The following SCFD1 variants were observed in gnomAD, a reference collection of about 807,000 sequenced individuals.
The protein encoded by SCFD1 is sec1 family domain containing 1, also known as sec1 family domain-containing protein 1.
A neutral mutation model predicts 103.2 loss-of-function variants in SCFD1; 37 were observed. That is an observed-to-expected ratio of 0.36 (90% CI 0.28 to 0.47). SCFD1 has a LOEUF of 0.47. Ranked by LOEUF, SCFD1 falls within the 20% of genes least tolerant of loss-of-function variation. The pLI is 1.00. For missense variants in SCFD1, 639 were observed against 761.2 expected, an observed-to-expected ratio of 0.84 and a Z score of 1.89; for synonymous variants, 264 against 245.0, an observed-to-expected ratio of 1.08 and a Z score of -0.73.
chr14:30,625,152 C>G (rs913257025), intron 1 of SCFD1, among the ~76,000 whole-genome samples: 1 of 152,028 alleles, frequency 6.6e-6, no homozygotes, highest in Non-Finnish European at 1.5e-5. Flanking sequence ...ATTTTATTCA[C>G]TGTTTTGTTC....
chr14:30,707,704 C>G (rs1255341816), intron 18 of SCFD1: 2 of 383,126 alleles, frequency 5.2e-6, no homozygotes, highest in Non-Finnish European at 9.9e-6. Flanking sequence ...ATAGCTAAGA[C>G]TAGGAAATTA....
chr14:30,676,308 TAAACAAGA>T, intron 14 of SCFD1: 1 of 152,242 alleles, frequency 6.6e-6, no homozygotes, highest in Non-Finnish European at 1.5e-5. Flanking sequence ...GATACTGTAG[TAAACAAGA>T]CAGACAAGTT....
intron 23 of SCFD1, chr14:30,734,578 A>AT (rs1358834896): frequency 1.3e-5 from 7 of 522,956 alleles, no homozygotes; most frequent in African/African-American, 9.6e-5. Flanking sequence ...CATAGTATAT[A>AT]TTTTGGGGGA....
intron 23 of SCFD1, among the ~76,000 whole-genome samples, chr14:30,730,976 G>C (rs1042275101): frequency 1.3e-5 from 2 of 151,960 alleles, no homozygotes; most frequent in Admixed American, 6.6e-5. Context: ...GGGTTTTTAT[G>C]GTTTTAGGTC....
intron 19 of SCFD1, among the ~76,000 whole-genome samples, chr14:30,713,286 G>A (rs1372761559): frequency 6.6e-6 from 1 of 152,100 alleles, no homozygotes; most frequent in East Asian, 1.9e-4. Context: ...ATTAATGTAT[G>A]GGAGTATGTG....
At chr14:30,691,449 A>G (rs1428228123) in intron 14 of SCFD1, among the ~76,000 whole-genome samples, 1 of 152,202 alleles carries the variant, frequency 6.6e-6, no homozygotes, top group East Asian at 1.9e-4. Context: ...CATAGTTGTA[A>G]GTAAAGTGCC....
chr14:30,730,313 A>G (rs1274661087), intron 23 of SCFD1, among the ~76,000 whole-genome samples: 1 of 151,702 alleles, frequency 6.6e-6, no homozygotes, highest in Non-Finnish European at 1.5e-5. Flanking sequence ...GTGCCGCAAT[A>G]AACATACCTG....
At chr14:30,721,821 ACCTATTTTATT>A in intron 21 of SCFD1, 52 bp from the exon 22 acceptor site, 1 of 1,305,170 alleles carries the variant, frequency 7.7e-7, no homozygotes, top group East Asian at 2.4e-5. Context: ...TATTTCCCAT[ACCTATTTTATT>A]CATAATAAAA....
chr14:30,728,932 C>G (rs569355984), intron 23 of SCFD1, among the ~76,000 whole-genome samples: 94 of 150,768 alleles, frequency 6.2e-4, no homozygotes, highest in African/African-American at 1.7e-3. Flanking sequence ...GCAGCCTCTG[C>G]CTCCAGGGTT....
rs1175040322 is a variant in SCFD1, at chr14:30,673,453, CT to C, written c.1086+110del. 4 of 509,246 alleles carry C rather than the reference CT, an allele frequency of 7.9e-6. No homozygotes were observed. In the Admixed American group the frequency reaches 1.5e-4, roughly 19 times the overall value. The allele number at this position is 509,246 out of a possible 1,614,324, so 31.5% of individuals were successfully genotyped here. A position where few individuals can be genotyped will look rare whatever the true frequency, so the allele number is the denominator to read the frequency against. ...TATAAAAATTGAAGGCCATTTAATG[CT>C]TTTATAACAAAAATATTTTCAACTT... On this transcript the variant is annotated intron_variant, in intron 12 of 24. Coordinates refer to ENST00000458591, the MANE Select transcript of SCFD1 (RefSeq NM_016106.4).
chr14:30,719,261 A>C (rs971945375), intron 20 of SCFD1, 64 bp from the exon 21 acceptor site: 51 of 1,022,924 alleles, frequency 5.0e-5, no homozygotes, highest in Non-Finnish European at 6.6e-5. Context: ...AGGATACTCT[A>C]AGCCAAACTG....
At chr14:30,628,331 G>T (rs757545829) in intron 2 of SCFD1, 52 bp downstream of exon 2, 1 of 1,171,088 alleles carries the variant, frequency 8.5e-7, no homozygotes, top group Non-Finnish European at 1.3e-6. Flanking sequence ...AGCCCTTATT[G>T]GTGGTAATTG....
chr14:30,632,216 TTGAAA>T (rs1884245505), intron 3 of SCFD1, among the ~76,000 whole-genome samples: 1 of 152,154 alleles, frequency 6.6e-6, no homozygotes, highest in Admixed American at 6.5e-5. Context: ...ATATATTGAA[TTGAAA>T]TGTACTCTTA....
chr14:30,708,494 A>T (rs140780374), intron 19 of SCFD1, among the ~76,000 whole-genome samples: 1 of 151,820 alleles, frequency 6.6e-6, no homozygotes, highest in African/African-American at 2.4e-5. Flanking sequence ...TATTTTTTAC[A>T]TGTGTAGCTC....
chr14:30,627,226 G>A (rs554837766), intron 1 of SCFD1, among the ~76,000 whole-genome samples: 25 of 152,192 alleles, frequency 1.6e-4, no homozygotes, highest in African/African-American at 5.3e-4. Context: ...TAACAGACCC[G>A]TAACTGTGAT....
chr14:30,666,642 G>A (rs969419537), intron 10 of SCFD1, among the ~76,000 whole-genome samples: 1 of 151,224 alleles, frequency 6.6e-6, no homozygotes, highest in Non-Finnish European at 1.5e-5. Flanking sequence ...CAACAAAATT[G>A]ATAGACTGCT....
intron 14 of SCFD1, among the ~76,000 whole-genome samples, chr14:30,682,503 C>T (rs1889568136): frequency 6.6e-6 from 1 of 152,136 alleles, no homozygotes; most frequent in Non-Finnish European, 1.5e-5. Flanking sequence ...CAACAAAATG[C>T]ACACCTGAAT....
In SCFD1 at chr14:30,630,463, G is replaced by C. The variant is rs570047582; in HGVS notation, c.133-14G>C. On this transcript the variant is annotated splice_polypyrimidine_tract_variant and intron_variant, in intron 2 of 24. Coordinates refer to ENST00000458591, the MANE Select transcript of SCFD1 (RefSeq NM_016106.4). ...TGTTCACTGATAATGATGACACATG[G>C]TTTTTTTTAATAGGTACTCATTTAT... The C allele has an allele frequency of 6.7e-6, 10 of 1,481,560 alleles. No homozygotes were observed. In the East Asian group the frequency reaches 2.3e-4, roughly 34 times the overall value. The allele number at this position is 1,481,560 out of a possible 1,614,324, so 91.8% of individuals were successfully genotyped here.
At chr14:30,643,954 C>T (rs1400350633) in intron 7 of SCFD1, 15 of 456,326 alleles carry the variant, frequency 3.3e-5, no homozygotes, top group Middle Eastern at 3.2e-4. Flanking sequence ...CAAATGAATT[C>T]GTCACCCAGG....
Sources: gnomAD v4.1 joint callset for allele counts (sites outside exome capture counted in the v4.1 genomes callset) on GRCh38, gnomAD v4.1.1 for gene constraint, MANE v1.5 for transcripts, NCBI Gene and HGNC (gene_info 2026-07-23, HGNC 2026-07-21) for gene names.